The following ANO2 variants were observed in gnomAD, a reference collection of about 807,000 sequenced individuals.
The protein encoded by ANO2 is anoctamin 2, also known as anoctamin-2.
ANO2 carries 101 observed loss-of-function variants against 124.2 expected under a neutral mutation model. The ratio of observed to expected loss-of-function variants is 0.81; its 90% CI spans 0.69 to 0.96. The LOEUF is 0.96. Ranked by LOEUF, ANO2 falls within the 40% of genes least tolerant of loss-of-function variation. ANO2 has a pLI of 0.00. For missense variants in ANO2, 1,293 were observed against 1,274.5 expected (o/e 1.01, Z -0.22); for synonymous variants, 486 against 482.5 (o/e 1.01, Z -0.09).
At chr12:5,768,782 G>T (rs1037709627) in intron 10 of ANO2, among the ~76,000 whole-genome samples, 1 of 152,174 alleles carries the variant, frequency 6.6e-6, no homozygotes, top group African/African-American at 2.4e-5. Flanking sequence ...GACCCTGGCT[G>T]TCTGCCCCTG....
intron 19 of ANO2, among the ~76,000 whole-genome samples, chr12:5,606,468 G>C (rs1944228199): frequency 6.6e-6 from 1 of 152,160 alleles, no homozygotes; most frequent in South Asian, 2.1e-4. Flanking sequence ...TAATGTCATT[G>C]ATTGTTTAAT....
chr12:5,724,582 T>A (rs1190406252), intron 14 of ANO2, among the ~76,000 whole-genome samples: 1 of 152,184 alleles, frequency 6.6e-6, no homozygotes, highest in Non-Finnish European at 1.5e-5. Context: ...ATTCCACGTG[T>A]TTGTTTATTG....
intron 1 of ANO2, among the ~76,000 whole-genome samples, chr12:5,939,665 T>G (rs1298812937): frequency 6.6e-6 from 1 of 152,182 alleles, no homozygotes; most frequent in Non-Finnish European, 1.5e-5. Context: ...ACTATATGAG[T>G]CACAGTAATG....
chr12:5,902,924 C>A (rs2136284098), intron 3 of ANO2, among the ~76,000 whole-genome samples: 1 of 133,064 alleles, frequency 7.5e-6, no homozygotes, highest in South Asian at 2.6e-4. Flanking sequence ...CAAACCAGGG[C>A]ACAAAGGTGG....
At chr12:5,795,950 G>A (rs1048571390) in intron 10 of ANO2, among the ~76,000 whole-genome samples, 3 of 152,156 alleles carry the variant, frequency 2.0e-5, no homozygotes, top group Non-Finnish European at 4.4e-5. Flanking sequence ...AGGACTAGAA[G>A]AGTCATTTCA....
intron 3 of ANO2, among the ~76,000 whole-genome samples, chr12:5,913,181 T>G (rs1276018174): frequency 6.6e-6 from 1 of 152,182 alleles, no homozygotes; most frequent in Non-Finnish European, 1.5e-5. Flanking sequence ...AAGGTTTTCC[T>G]AAGGATTCTA....
chr12:5,703,722 A>C (rs1012021082), intron 14 of ANO2, among the ~76,000 whole-genome samples: 1 of 151,794 alleles, frequency 6.6e-6, no homozygotes, highest in Non-Finnish European at 1.5e-5. Context: ...AGTTTTTAAA[A>C]TTTTTTTGTA....
At chr12:5,693,191 G>A (rs1197486270) in intron 14 of ANO2, among the ~76,000 whole-genome samples, 2 of 152,142 alleles carry the variant, frequency 1.3e-5, no homozygotes, top group Admixed American at 6.5e-5. Context: ...CTCCAGCTAA[G>A]AGATTCCCTT....
At chr12:5,774,272 T>C (rs1157332778) in intron 10 of ANO2, among the ~76,000 whole-genome samples, 1 of 151,758 alleles carries the variant, frequency 6.6e-6, no homozygotes, top group Non-Finnish European at 1.5e-5. Flanking sequence ...CTAGGGAAAA[T>C]TGCAAAACCC....
At chr12:5,805,077 TA>T (rs1953151481) in intron 9 of ANO2, among the ~76,000 whole-genome samples, 1 of 151,896 alleles carries the variant, frequency 6.6e-6, no homozygotes. Flanking sequence ...CAGATGAGGT[TA>T]AGACATCGCA....
At chr12:5,669,292 C>G (rs1403166295) in intron 14 of ANO2, among the ~76,000 whole-genome samples, 1 of 151,834 alleles carries the variant, frequency 6.6e-6, no homozygotes, top group Non-Finnish European at 1.5e-5. Flanking sequence ...ATTTTATTCT[C>G]TTTGTAGCAA....
chr12:5,662,116 G>A (rs912232026), intron 14 of ANO2, among the ~76,000 whole-genome samples: 2 of 152,246 alleles, frequency 1.3e-5, no homozygotes, highest in South Asian at 2.1e-4. Context: ...CTGCACTCTC[G>A]CAGTTGTTCA....
At chr12:5,731,138 T>C (rs960762112) in intron 14 of ANO2, among the ~76,000 whole-genome samples, 6 of 152,226 alleles carry the variant, frequency 3.9e-5, no homozygotes, top group African/African-American at 1.2e-4. Flanking sequence ...AAATTATCCA[T>C]TGTATATTGC....
intron 20 of ANO2, among the ~76,000 whole-genome samples, chr12:5,591,831 G>T (rs1247887098): frequency 6.6e-6 from 1 of 152,184 alleles, no homozygotes; most frequent in Admixed American, 6.5e-5. Flanking sequence ...TGTGTCCCCA[G>T]TGCCTGGCAG....
At chr12:5,648,142 C>T (rs184790996) in intron 14 of ANO2, among the ~76,000 whole-genome samples, 6 of 152,230 alleles carry the variant, frequency 3.9e-5, no homozygotes, top group Admixed American at 6.5e-5. Flanking sequence ...AAATTGGGCA[C>T]GGTAGTGATA....
chr12:5,889,126 C>A (rs559248902), intron 3 of ANO2, among the ~76,000 whole-genome samples: 1 of 152,194 alleles, frequency 6.6e-6, no homozygotes, highest in African/African-American at 2.4e-5. Flanking sequence ...GCCGGCGGGC[C>A]GGCTGGTTGC....
At chr12:5,889,504 CATA>C (rs2136270726) in intron 3 of ANO2, among the ~76,000 whole-genome samples, 1 of 152,362 alleles carries the variant, frequency 6.6e-6, no homozygotes, top group Non-Finnish European at 1.5e-5. Context: ...CATGGGTCAG[CATA>C]ATAAGTGTCC....
intron 4 of ANO2, among the ~76,000 whole-genome samples, chr12:5,832,868 T>C (rs1308287422): frequency 6.6e-6 from 1 of 152,206 alleles, no homozygotes; most frequent in African/African-American, 2.4e-5. Context: ...TCTATATGAC[T>C]CGATATCATC....
intron 14 of ANO2, among the ~76,000 whole-genome samples, chr12:5,685,100 A>G (rs899189855): frequency 1.7e-4 from 26 of 152,278 alleles, no homozygotes; most frequent in Admixed American, 1.5e-3. Context: ...GCAACATCCT[A>G]TGCCCACCTT....
Sources: gnomAD v4.1 joint callset for allele counts (sites outside exome capture counted in the v4.1 genomes callset) on GRCh38, gnomAD v4.1.1 for gene constraint, MANE v1.5 for transcripts, NCBI Gene and HGNC (gene_info 2026-07-23, HGNC 2026-07-21) for gene names.